The following SLC25A51 variants were observed in gnomAD, a reference collection of about 807,000 sequenced individuals.
The protein encoded by SLC25A51 is solute carrier family 25 member 51, also known as mitochondrial nicotinamide adenine dinucleotide transporter SLC25A51.
Under a neutral mutation model 19.1 loss-of-function variants are expected in SLC25A51, and 11 were observed. The ratio of observed to expected loss-of-function variants is 0.58; its 90% CI spans 0.36 to 0.96. The LOEUF is 0.96. Among genes scored for constraint, SLC25A51 ranks in the 40% least tolerant of loss-of-function variants. The pLI is 0.01. For missense variants in SLC25A51, 201 were observed against 365.4 expected (o/e 0.55, Z 3.67); for synonymous variants, 105 against 133.6 (o/e 0.79, Z 1.47).
At chr9:37,891,719 G>A (rs911621668) in intron 2 of SLC25A51, among the ~76,000 whole-genome samples, 6 of 152,018 alleles carry the variant, frequency 3.9e-5, no homozygotes, top group Non-Finnish European at 2.9e-5. Flanking sequence ...CAAACACTGC[G>A]GAAGGCCGCA....
At position 37,888,506 on chromosome 9, in the gene SLC25A51, T is replaced by C. The variant is rs968290218; in HGVS notation, c.45A>G (p.Thr15=). Residue 15 remains threonine (T), a synonymous_variant, in exon 3 of 3, where the codon ACA becomes ACG. Transcript: ENST00000242275. ...EAHEKRPPIL[T]SSKQDISPHI... ...GAGGTGATATATCTTGTTTTGAAGA[T>C]GTTAGTATTGGTGGCCTCTTTTCAT... 1.9e-6 allele frequency: 3 copies of C among 1,613,696 alleles called. No homozygotes were observed. The highest frequency in any genetic ancestry group is 2.5e-6 in the Non-Finnish European group (3 of 1,179,730).
downstream of SLC25A51, among the ~76,000 whole-genome samples, chr9:37,884,027 A>G (rs1378684547): frequency 2.0e-5 from 3 of 152,238 alleles, no homozygotes; most frequent in Non-Finnish European, 2.9e-5. Flanking sequence ...TCAGTAAACT[A>G]CCAAGTTGAG....
At chr9:37,881,904 A>G (rs1831356085) in intron 2 of SLC25A51, among the ~76,000 whole-genome samples, 1 of 152,190 alleles carries the variant, frequency 6.6e-6, no homozygotes, top group South Asian at 2.1e-4. Context: ...GGGCTTAAAA[A>G]ACAAACTTTA....
At chr9:37,900,848 C>T (rs1170372523) in intron 1 of SLC25A51, among the ~76,000 whole-genome samples, 1 of 152,106 alleles carries the variant, frequency 6.6e-6, no homozygotes, top group East Asian at 1.9e-4. Flanking sequence ...ACCAATCTTA[C>T]TATTTCTCAG....
At position 37,888,515 on chromosome 9, in the gene SLC25A51, T is replaced by C. The variant is rs141127395; in HGVS notation, c.36A>G (p.Pro12=). 77 of 1,611,346 alleles carry C rather than the reference T, an allele frequency of 4.8e-5. No individual in the cohort carries two copies. Among genetic ancestry groups the C allele is most frequent in the Non-Finnish European group, 5.9e-5 (70 of 1,178,716 alleles). ...MDSEAHEKRP[P]ILTSSKQDIS... is the part of the protein sequence containing the mutation. Reference sequence around the variant, plus strand: ...TATCTTGTTTTGAAGATGTTAGTATTGGTGGCCTCTTTTCATGAGCTTCTG... The same window carrying C: ...TATCTTGTTTTGAAGATGTTAGTATCGGTGGCCTCTTTTCATGAGCTTCTG... The change falls in exon 3 of 3, where the codon CCA becomes CCG. Residue 12 remains proline, a synonymous_variant. Coordinates refer to ENST00000242275, the MANE Select transcript of SLC25A51 (RefSeq NM_033412.4).
chr9:37,885,977 G>A (rs1831447557), downstream of SLC25A51: 4 of 1,613,660 alleles, frequency 2.5e-6, no homozygotes, highest in South Asian at 4.4e-5. Flanking sequence ...CACTTGGATT[G>A]TGGAGTTCTT....
rs1831687083 is a variant in SLC25A51 at position 37,895,103 on chromosome 9, T to G, written c.-43+4726A>C. On this transcript the variant is annotated intron_variant, in intron 2 of 2. Transcript: ENST00000242275. The stretch of plus-strand genomic sequence containing the variant: ...CATGGCTGTGCATGTGTCCTTATAG[T>G]AGAACTATTCCTTTGGGTATTGTTT... Among the ~76,000 whole-genome samples the G allele has an allele frequency of 2.0e-5, 3 of 152,226 alleles. No homozygotes were observed. The South Asian group carries it at 6.2e-4, about 31-fold the overall frequency.
intron 2 of SLC25A51, among the ~76,000 whole-genome samples, 188 bp from the exon 3 acceptor site, chr9:37,888,780 T>C (rs1194688326): frequency 1.3e-5 from 2 of 152,222 alleles, no homozygotes; most frequent in African/African-American, 4.8e-5. Flanking sequence ...CAGGAGATTT[T>C]CCTTTTTCAA....
Position 37,887,931 on chromosome 9 carries a change from T to C in SLC25A51, c.620A>G (p.His207Arg), listed in dbSNP as rs765181493. 3 of 1,611,992 alleles carry C rather than the reference T, an allele frequency of 1.9e-6. No homozygotes were observed. The highest frequency in any genetic ancestry group is 2.3e-4 in the Middle Eastern group (1 of 4,434). Residue 207 changes from histidine (H) to arginine (R), a missense_variant, in exon 3 of 3, where the codon CAC becomes CGC. Physicochemically the swap from His to Arg is conservative, Grantham distance 29 (BLOSUM62 0). Coordinates refer to ENST00000242275, the MANE Select transcript of SLC25A51 (RefSeq NM_033412.4). The part of the protein sequence containing the change: ...IKEHLPTATT[H>R]SAHLVNDFIC... The stretch of plus-strand genomic sequence containing the variant: ...AAAATCATTGACCAGATGAGCACTG[T>C]GAGTCGTTGCGGTAGGCAGATGCTC...
At chr9:37,879,772 T>C (rs1831315766) in exon 4 of SLC25A51, 1 of 152,366 alleles carries the variant, frequency 6.6e-6, no homozygotes, top group African/African-American at 2.4e-5. Flanking sequence ...GACAGCAGTC[T>C]ATAAATGAAG....
chr9:37,902,210 T>C (rs1939468468), intron 1 of SLC25A51, among the ~76,000 whole-genome samples: 1 of 152,352 alleles, frequency 6.6e-6, no homozygotes, highest in South Asian at 2.1e-4. Context: ...TGTTCACTTT[T>C]ACTGGAATGT....
chr9:37,886,061 G>A, downstream of SLC25A51: 1 of 1,609,476 alleles, frequency 6.2e-7, no homozygotes, highest in South Asian at 1.1e-5. Flanking sequence ...CAACTGTACA[G>A]GGCTAAATTT....
At chr9:37,883,521 A>G (rs1349934203), downstream of SLC25A51, among the ~76,000 whole-genome samples, 1 of 152,234 alleles carries the variant, frequency 6.6e-6, no homozygotes, top group African/African-American at 2.4e-5. Context: ...TCAGATTTCT[A>G]CCACCTGTGT....
At chr9:37,880,957 A>G (rs545083866) in intron 3 of SLC25A51, among the ~76,000 whole-genome samples, 1 of 152,236 alleles carries the variant, frequency 6.6e-6, no homozygotes, top group Admixed American at 6.5e-5. Context: ...CCTTTTTATC[A>G]AATCTAAATG....
At chr9:37,887,207 C>CT (rs1438321738), downstream of SLC25A51, among the ~76,000 whole-genome samples, 1 of 151,792 alleles carries the variant, frequency 6.6e-6, no homozygotes, top group African/African-American at 2.4e-5. Context: ...ATCCCAGCTA[C>CT]TTAGGAGGCT....
chr9:37,885,364 A>C (rs932839959), downstream of SLC25A51, among the ~76,000 whole-genome samples: 14 of 151,606 alleles, frequency 9.2e-5, no homozygotes, highest in Non-Finnish European at 1.5e-4. Flanking sequence ...AAAAAAAAAA[A>C]AAAACCTTGT....
chr9:37,897,356 G>C (rs1258908093), intron 2 of SLC25A51, among the ~76,000 whole-genome samples: 1 of 151,846 alleles, frequency 6.6e-6, no homozygotes, highest in African/African-American at 2.4e-5. Flanking sequence ...TGCCCTGCCT[G>C]ATTATTATTA....
downstream of SLC25A51, chr9:37,886,108 T>C (rs1389616584): frequency 2.7e-6 from 4 of 1,475,700 alleles, no homozygotes; most frequent in Non-Finnish European, 2.8e-6. Context: ...CTGATGTTAG[T>C]ACGCGGTACA....
downstream of SLC25A51, chr9:37,885,808 T>C (rs1831441607): frequency 4.4e-6 from 7 of 1,605,274 alleles, no homozygotes; most frequent in Non-Finnish European, 6.0e-6. Context: ...GCAATTCTTT[T>C]CTTCCGCTTG....
Sources: allele counts gnomAD v4.1 joint callset (sites outside exome capture counted in the v4.1 genomes callset), GRCh38; gene constraint gnomAD v4.1.1; transcripts MANE v1.5; gene names NCBI Gene and HGNC (gene_info 2026-07-23, HGNC 2026-07-21).